Variants in EYS observed in about 807,000 individuals in gnomAD.
EYS encodes the protein EGF-like photoreceptor maintenance factor, also known as protein eyes shut homolog.
A neutral mutation model predicts 282.1 loss-of-function variants in EYS; 250 were observed. The ratio of observed to expected loss-of-function variants is 0.89; its 90% CI spans 0.80 to 0.98. EYS has a LOEUF of 0.98. Among genes scored for constraint, EYS ranks in the 50% least tolerant of loss-of-function variants. The pLI is 0.00. For synonymous variants in EYS, 1,355 were observed against 1,282.9 expected, an observed-to-expected ratio of 1.06 and a Z score of -1.20; for missense variants, 4,016 against 3,709.0, an observed-to-expected ratio of 1.08 and a Z score of -2.15.
intron 2 of EYS, among the ~76,000 whole-genome samples, chr6:65,577,521 A>C (rs1298319145): frequency 1.3e-5 from 2 of 151,876 alleles, no homozygotes; most frequent in African/African-American, 2.4e-5. Flanking sequence ...CAGGGTAATA[A>C]TGTTTTTGGA....
intron 12 of EYS, among the ~76,000 whole-genome samples, chr6:65,108,500 T>C (rs1775111635): frequency 6.6e-6 from 1 of 152,124 alleles, no homozygotes; most frequent in South Asian, 2.1e-4. Context: ...TATTGCCATG[T>C]TGCCCAGGCT....
At chr6:63,877,502 A>T (rs535432166) in intron 35 of EYS, among the ~76,000 whole-genome samples, 1 of 152,206 alleles carries the variant, frequency 6.6e-6, no homozygotes, top group African/African-American at 2.4e-5. Context: ...TATTTCCTGA[A>T]TTTGACTGTT....
chr6:65,301,583 G>A (rs1203411275), intron 11 of EYS, among the ~76,000 whole-genome samples: 1 of 152,214 alleles, frequency 6.6e-6, no homozygotes, highest in Non-Finnish European at 1.5e-5. Context: ...TAGTGTCATC[G>A]GTTCGGGTCC....
chr6:64,394,701 C>T (rs1001651497), intron 28 of EYS, among the ~76,000 whole-genome samples: 10 of 151,642 alleles, frequency 6.6e-5, no homozygotes, highest in African/African-American at 2.4e-4. Flanking sequence ...TGGGCATTAC[C>T]ATTCAGGACA....
At chr6:65,399,769 T>C (rs1444425010) in intron 7 of EYS, among the ~76,000 whole-genome samples, 6 of 152,080 alleles carry the variant, frequency 3.9e-5, no homozygotes, top group Admixed American at 3.9e-4. Context: ...CAGGGAATTA[T>C]TGGCTCATAT....
chr6:64,443,340 G>T (rs1477234389), intron 26 of EYS, among the ~76,000 whole-genome samples: 1 of 152,178 alleles, frequency 6.6e-6, no homozygotes, highest in Non-Finnish European at 1.5e-5. Flanking sequence ...ACTTGCTTTT[G>T]CTTTTACAGG....
chr6:64,356,810 T>C (rs1199399624), intron 29 of EYS, among the ~76,000 whole-genome samples: 1 of 151,632 alleles, frequency 6.6e-6, no homozygotes, highest in East Asian at 1.9e-4. Flanking sequence ...CAAAATCTGT[T>C]TCAACATAAT....
intron 9 of EYS, 68 bp downstream of exon 9, chr6:65,353,390 A>C: frequency 7.3e-7 from 1 of 1,364,264 alleles, no homozygotes; most frequent in Non-Finnish European, 1.0e-6. Context: ...TGTTTAGAAA[A>C]TGAATACGTG....
At chr6:64,015,016 G>A (rs1410942240) in intron 33 of EYS, among the ~76,000 whole-genome samples, 1 of 152,044 alleles carries the variant, frequency 6.6e-6, no homozygotes, top group African/African-American at 2.4e-5. Flanking sequence ...TGTAATCTAG[G>A]CTTAATGATT....
chr6:65,309,210 A>T (rs1433566502), intron 11 of EYS, among the ~76,000 whole-genome samples: 1 of 152,194 alleles, frequency 6.6e-6, no homozygotes, highest in Non-Finnish European at 1.5e-5. Flanking sequence ...CCATCAAGAC[A>T]GTTTTGCGTG....
At chr6:64,751,504 A>G (rs1772754652) in intron 22 of EYS, among the ~76,000 whole-genome samples, 1 of 152,104 alleles carries the variant, frequency 6.6e-6, no homozygotes, top group Admixed American at 6.5e-5. Context: ...CTGTAGGTGG[A>G]CCTGCCTGGT....
chr6:65,248,087 GT>G (rs1767227313), intron 12 of EYS, among the ~76,000 whole-genome samples: 1 of 151,590 alleles, frequency 6.6e-6, no homozygotes, highest in South Asian at 2.1e-4. Flanking sequence ...ATTGTTGTTG[GT>G]TTTTTTTCCT....
chr6:64,158,466 C>T (rs1162715963), intron 31 of EYS, among the ~76,000 whole-genome samples: 1 of 152,102 alleles, frequency 6.6e-6, no homozygotes, highest in African/African-American at 2.4e-5. Flanking sequence ...AACTAAATAC[C>T]TGCAGTGGTG....
At chr6:65,210,684 G>A (rs1766152398) in intron 12 of EYS, among the ~76,000 whole-genome samples, 1 of 151,866 alleles carries the variant, frequency 6.6e-6, no homozygotes, top group African/African-American at 2.4e-5. Context: ...AAGGAATCAT[G>A]AATAAAAAGA....
At chr6:64,141,886 C>G (rs761373724) in intron 31 of EYS, among the ~76,000 whole-genome samples, 14 of 152,174 alleles carry the variant, frequency 9.2e-5, no homozygotes, top group Middle Eastern at 3.2e-3. Context: ...CTCTCTCCCC[C>G]ACCCAAATGT....
chr6:64,280,204 T>G (rs1428309277), intron 30 of EYS, among the ~76,000 whole-genome samples: 1 of 152,192 alleles, frequency 6.6e-6, no homozygotes, highest in Non-Finnish European at 1.5e-5. Flanking sequence ...TATGTCATTA[T>G]AGATAAAAAT....
At chr6:65,683,261 A>T (rs1300149977) in intron 1 of EYS, among the ~76,000 whole-genome samples, 1 of 152,016 alleles carries the variant, frequency 6.6e-6, no homozygotes, top group Non-Finnish European at 1.5e-5. Context: ...ACATCTGATG[A>T]AAAATAGTCT....
chr6:63,754,726 C>A (rs1452463789), intron 41 of EYS, among the ~76,000 whole-genome samples: 7 of 152,066 alleles, frequency 4.6e-5, no homozygotes, highest in Non-Finnish European at 8.8e-5. Flanking sequence ...ATTGCTGGGT[C>A]AAATGGTATT....
At chr6:64,840,458 G>A (rs62417067) in intron 19 of EYS, among the ~76,000 whole-genome samples, 23,178 of 152,012 alleles carry the variant, frequency 0.15, 2,000 homozygotes, top group East Asian at 0.43. Flanking sequence ...TGAATTAATG[G>A]GTTGATTCCC....
Sources: gnomAD v4.1 joint callset for allele counts (sites outside exome capture counted in the v4.1 genomes callset) on GRCh38, gnomAD v4.1.1 for gene constraint, MANE v1.5 for transcripts, NCBI Gene and HGNC (gene_info 2026-07-23, HGNC 2026-07-21) for gene names.